The following EMCN variants were observed in gnomAD, a reference collection of about 807,000 sequenced individuals.
EMCN encodes MUC-14.
In EMCN, 37 loss-of-function variants were observed where a neutral mutation model predicts 38.4. The observed-to-expected ratio is 0.96, with a 90% confidence interval of 0.74 to 1.27. The LOEUF is 1.27. Among genes scored for constraint, EMCN ranks in the 50% most tolerant of loss-of-function variants. EMCN has a pLI of 0.00. For synonymous variants in EMCN, 95 were observed against 100.8 expected (o/e 0.94, Z 0.35); for missense variants, 318 against 302.8 (o/e 1.05, Z -0.37).
chr4:100,433,750 G>C (rs1308213355), intron 5 of EMCN, among the ~76,000 whole-genome samples: 1 of 151,892 alleles, frequency 6.6e-6, no homozygotes, highest in Non-Finnish European at 1.5e-5. Flanking sequence ...TGGCCAGGCT[G>C]GTCTCAAACT....
chr4:100,455,702 G>A (rs1045616494), intron 4 of EMCN, among the ~76,000 whole-genome samples: 2 of 151,822 alleles, frequency 1.3e-5, no homozygotes, highest in Non-Finnish European at 1.5e-5. Context: ...GTGCTTTGGT[G>A]TAGTTTTCTT....
Position 100,475,658 on chromosome 4 carries a change from C to CATTTTTTTTTTT in EMCN, c.188-550_188-549insAAAAAAAAAAAT, listed in dbSNP as rs1728617733. Among the ~76,000 whole-genome samples, 8 of 108,092 alleles carry CATTTTTTTTTTT rather than the reference C, an allele frequency of 7.4e-5. 2 individuals carry two copies. Among genetic ancestry groups the CATTTTTTTTTTT allele is most frequent in the African/African-American group, 7.4e-5 (2 of 27,062 alleles). The allele number at this position is 108,092 out of a possible 152,430, so 70.9% of individuals were successfully genotyped here. A position where few individuals can be genotyped will look rare whatever the true frequency, so the allele number is the denominator to read the frequency against. On this transcript the variant is annotated intron_variant, in intron 2 of 11. Coordinates refer to ENST00000296420, the MANE Select transcript of EMCN (RefSeq NM_016242.4). The stretch of plus-strand genomic sequence containing the variant: ...CTTGAGGGCAGTATCCAATTCTAGT[C>CATTTTTTTTTTT]CTTTTTTTTTTTTTTTTTTTTTTTT...
intron 1 of EMCN, among the ~76,000 whole-genome samples, chr4:100,504,320 G>A (rs182172910): frequency 9.8e-4 from 149 of 152,310 alleles, no homozygotes; most frequent in Non-Finnish European, 1.6e-3. Context: ...ATGTAGGATC[G>A]GGAGAGTTGT....
At chr4:100,447,934 T>C (rs1727724159) in intron 4 of EMCN, among the ~76,000 whole-genome samples, 1 of 152,038 alleles carries the variant, frequency 6.6e-6, no homozygotes, top group Admixed American at 6.6e-5. Flanking sequence ...GGGTATTCAA[T>C]TTTGCCCGTG....
In EMCN at chr4:100,447,589, G is replaced by GA. The variant is rs763261305; in HGVS notation, c.377-19dup. The GA allele has an allele frequency of 4.4e-5, 67 of 1,536,354 alleles. No homozygotes were observed. Among genetic ancestry groups the GA allele is most frequent in the East Asian group, 2.3e-4 (10 of 44,396 alleles). On this transcript the variant is annotated intron_variant, in intron 4 of 11. Transcript: ENST00000296420. ...AGTTTCAGCTTTAGAAGGAAAAAAA[G>GA]AAAAAAAATCAGTACAATTAAATGT...
chr4:100,478,433 T>G (rs1344723453), intron 2 of EMCN, among the ~76,000 whole-genome samples: 1 of 152,170 alleles, frequency 6.6e-6, no homozygotes, highest in Non-Finnish European at 1.5e-5. Context: ...GATGATGGCA[T>G]GGTAGCTTTG....
intron 4 of EMCN, among the ~76,000 whole-genome samples, chr4:100,459,831 A>G (rs1447202608): frequency 1.3e-5 from 2 of 152,146 alleles, no homozygotes; most frequent in Non-Finnish European, 2.9e-5. Flanking sequence ...TCATCTGTTA[A>G]TGGACACTTA....
intron 3 of EMCN, chr4:100,473,802 A>T (rs1292478596): frequency 1.3e-5 from 2 of 152,640 alleles, no homozygotes; most frequent in Non-Finnish European, 2.9e-5. Context: ...TGGGTGCCTC[A>T]TGAGCTGAGC....
chr4:100,459,724 A>G, intron 4 of EMCN, among the ~76,000 whole-genome samples: 1 of 152,168 alleles, frequency 6.6e-6, no homozygotes, highest in East Asian at 1.9e-4. Flanking sequence ...AATGACCTCT[A>G]AGTTTATCCG....
At chr4:100,425,797 C>T (rs1197156598) in intron 5 of EMCN, among the ~76,000 whole-genome samples, 1 of 152,004 alleles carries the variant, frequency 6.6e-6, no homozygotes, top group East Asian at 1.9e-4. Context: ...GAACTTCAGC[C>T]ACTTCTGTGT....
chr4:100,492,618 A>G (rs1332572553), intron 1 of EMCN, among the ~76,000 whole-genome samples: 4 of 152,192 alleles, frequency 2.6e-5, no homozygotes, highest in African/African-American at 9.6e-5. Flanking sequence ...CAATCAAACT[A>G]CCAAAACATT....
intron 4 of EMCN, among the ~76,000 whole-genome samples, chr4:100,452,412 A>G (rs1209333889): frequency 6.6e-6 from 1 of 151,942 alleles, no homozygotes; most frequent in Non-Finnish European, 1.5e-5. Flanking sequence ...GGTAGAAGAA[A>G]CTCTCACTTG....
chr4:100,471,326 G>A (rs550837191), intron 3 of EMCN, among the ~76,000 whole-genome samples: 10 of 151,868 alleles, frequency 6.6e-5, no homozygotes, highest in African/African-American at 9.6e-5. Context: ...ACTATATGCC[G>A]ACAAATTAGA....
chr4:100,472,948 T>A lies in EMCN; in HGVS notation c.259+2090A>T, dbSNP rs532571562. 3.4e-5 allele frequency among the ~76,000 whole-genome samples: 5 copies of A among 148,886 alleles called. No homozygotes were observed. The South Asian group carries it at 8.4e-4, about 25-fold the overall frequency. ...GATAGATAGATAGATATCCCTATCA[T>A]AAAATAAACTTCTATATATATATTC... On this transcript the variant is annotated intron_variant, in intron 3 of 11. Coordinates refer to ENST00000296420, the MANE Select transcript of EMCN (RefSeq NM_016242.4).
At chr4:100,414,989 G>A (rs1254295394) in intron 10 of EMCN, among the ~76,000 whole-genome samples, 1 of 152,032 alleles carries the variant, frequency 6.6e-6, no homozygotes, top group Admixed American at 6.6e-5. Flanking sequence ...TCCGCCCCCC[G>A]GGTTCCAGCA....
chr4:100,448,795 T>TTTTCTTTCCTTCTTTC (rs58028381), intron 4 of EMCN, among the ~76,000 whole-genome samples: 1 of 114,324 alleles, frequency 8.7e-6, no homozygotes, highest in African/African-American at 3.3e-5. Context: ...TGCCTTGAAG[T>TTTTCTTTCCTTCTTTC]CTTCCTTCCT....
intron 5 of EMCN, among the ~76,000 whole-genome samples, chr4:100,445,385 C>A (rs2110240697): frequency 6.6e-6 from 1 of 152,202 alleles, no homozygotes; most frequent in Middle Eastern, 3.4e-3. Context: ...TCATCAATTT[C>A]TAGACGCTTA....
At chr4:100,426,223 A>G (rs1214937989) in intron 5 of EMCN, among the ~76,000 whole-genome samples, 1 of 152,112 alleles carries the variant, frequency 6.6e-6, no homozygotes, top group Non-Finnish European at 1.5e-5. Context: ...AGAAAGCATA[A>G]GTGACCAAAT....
chr4:100,434,741 A>G (rs1035470095), intron 5 of EMCN, among the ~76,000 whole-genome samples: 10 of 152,210 alleles, frequency 6.6e-5, no homozygotes, highest in Non-Finnish European at 1.3e-4. Context: ...CAATAAATGT[A>G]ATTCATCACG....
Sources: gnomAD v4.1 joint callset for allele counts (sites outside exome capture counted in the v4.1 genomes callset) on GRCh38, gnomAD v4.1.1 for gene constraint, MANE v1.5 for transcripts, NCBI Gene and HGNC (gene_info 2026-07-23, HGNC 2026-07-21) for gene names.